The following DIAPH2 variants were observed in gnomAD, a reference collection of about 807,000 sequenced individuals.
DIAPH2 encodes diaphanous related formin 2, also known as protein diaphanous homolog 2.
Under a neutral mutation model 92.7 loss-of-function variants are expected in DIAPH2, and 35 were observed. The ratio of observed to expected loss-of-function variants is 0.38; its 90% CI spans 0.29 to 0.50. DIAPH2 has a LOEUF of 0.50. Among genes scored for constraint, DIAPH2 ranks in the 20% least tolerant of loss-of-function variants. The pLI is 0.94. For synonymous variants in DIAPH2, 301 were observed against 280.4 expected, an observed-to-expected ratio of 1.07 and a Z score of -0.73; for missense variants, 701 against 819.5, an observed-to-expected ratio of 0.86 and a Z score of 1.77.
At chrX:96,912,958 G>A (rs924300058) in intron 7 of DIAPH2, among the ~76,000 whole-genome samples, 1 of 108,158 alleles carries the variant, frequency 9.2e-6, no homozygotes, top group Non-Finnish European at 1.9e-5. Context: ...TAGTTTTCTC[G>A]ATTTTTTTTT....
intron 12 of DIAPH2, among the ~76,000 whole-genome samples, chrX:96,940,819 C>T (rs2065699481): frequency 9.0e-6 from 1 of 111,264 alleles, no homozygotes; most frequent in South Asian, 3.8e-4. Context: ...ACCTGGGGAA[C>T]ATCATTTATG....
At chrX:96,923,749 A>T (rs1343918620) in intron 9 of DIAPH2, among the ~76,000 whole-genome samples, 1 of 111,248 alleles carries the variant, frequency 9.0e-6, no homozygotes, top group African/African-American at 3.3e-5. Context: ...TGCAAATGAT[A>T]ACAATAGACT....
intron 22 of DIAPH2, among the ~76,000 whole-genome samples, chrX:97,204,433 G>T (rs755281360): frequency 1.9e-4 from 21 of 111,635 alleles, no homozygotes; most frequent in Admixed American, 2.9e-4. Context: ...CATCGTCTCA[G>T]CCCCAAAACT....
At chrX:96,814,842 G>C (rs2064718014) in intron 4 of DIAPH2, among the ~76,000 whole-genome samples, 1 of 111,762 alleles carries the variant, frequency 8.9e-6, no homozygotes, top group Admixed American at 9.5e-5. Context: ...CTGTTTGCCT[G>C]GGTATCACCA....
chrX:97,329,079 T>G (rs896566458), intron 23 of DIAPH2, among the ~76,000 whole-genome samples: 1 of 112,117 alleles, frequency 8.9e-6, no homozygotes, highest in Non-Finnish European at 1.9e-5. Context: ...TTCCATTTGC[T>G]TACTCAGTAT....
At chrX:96,854,620 T>TATAC (rs1395668523) in intron 4 of DIAPH2, among the ~76,000 whole-genome samples, 2 of 72,342 alleles carry the variant, frequency 2.8e-5, no homozygotes, top group Admixed American at 1.5e-4. Flanking sequence ...TATATATATA[T>TATAC]ATATATATAT....
intron 2 of DIAPH2, 95 bp from the exon 3 acceptor site, chrX:96,738,491 A>G: frequency 1.5e-6 from 1 of 685,893 alleles, no homozygotes; most frequent in Non-Finnish European, 2.1e-6. Flanking sequence ...AATGATATGT[A>G]TTATACTAAG....
chrX:97,204,791 T>G (rs1214636983), intron 22 of DIAPH2, among the ~76,000 whole-genome samples: 1 of 111,508 alleles, frequency 9.0e-6, no homozygotes, highest in African/African-American at 3.3e-5. Flanking sequence ...AAGCTACCAT[T>G]GACTTTCTTC....
intron 17 of DIAPH2, among the ~76,000 whole-genome samples, chrX:97,030,445 TATC>T (rs1055947049): frequency 4.5e-5 from 5 of 111,638 alleles, no homozygotes; most frequent in Admixed American, 9.5e-5. Context: ...TATGACAAAA[TATC>T]ATTTTAGTTG....
intron 22 of DIAPH2, among the ~76,000 whole-genome samples, chrX:97,176,955 C>T (rs1026719009): frequency 8.9e-6 from 1 of 111,880 alleles, no homozygotes. Flanking sequence ...ATCTCTAAAC[C>T]ACTTATAATA....
At chrX:96,708,237 A>C (rs866032997) in intron 1 of DIAPH2, among the ~76,000 whole-genome samples, 302 of 20,674 alleles carry the variant, frequency 0.015, no homozygotes, top group African/African-American at 0.02. Flanking sequence ...CCCACCCCCC[A>C]CCCAGATCAT....
At chrX:96,868,683 C>T (rs1168435936) in intron 4 of DIAPH2, among the ~76,000 whole-genome samples, 1 of 111,517 alleles carries the variant, frequency 9.0e-6, no homozygotes, top group African/African-American at 3.3e-5. Context: ...GCTTACCATA[C>T]CTGAATAAGC....
Position 97,267,518 on chromosome X carries a change from G to A in DIAPH2, c.2844+19679G>A, listed in dbSNP as rs183665373. Among the ~76,000 whole-genome samples the A allele has an allele frequency of 7.0e-3, 781 of 111,260 alleles. 9 individuals are homozygous for A. The highest frequency in any genetic ancestry group is 0.025 in the African/African-American group (751 of 30,586). On this transcript the variant is annotated intron_variant, in intron 23 of 26. Coordinates refer to ENST00000324765, the MANE Select transcript of DIAPH2 (RefSeq NM_006729.5). ...GTGCCCCCTCATTAAGATGAATAAT[G>A]ACAATCCTTAGAAACAGGAAATGCC...
intron 22 of DIAPH2, among the ~76,000 whole-genome samples, chrX:97,236,924 G>T (rs750798806): frequency 8.0e-5 from 9 of 111,922 alleles, no homozygotes; most frequent in African/African-American, 2.9e-4. Flanking sequence ...GTCTTGTTGT[G>T]AAACAGTGTT....
chrX:97,252,037 A>G (rs2147556449), intron 23 of DIAPH2, among the ~76,000 whole-genome samples: 1 of 112,139 alleles, frequency 8.9e-6, no homozygotes, highest in South Asian at 3.8e-4. Context: ...TCTGTCAGAA[A>G]AGAAACCCAT....
chrX:97,383,607 G>C (rs1284622265), intron 24 of DIAPH2, among the ~76,000 whole-genome samples: 2 of 105,405 alleles, frequency 1.9e-5, no homozygotes, highest in African/African-American at 3.5e-5. Flanking sequence ...TGGCACCCTA[G>C]ATAATGGCAA....
At chrX:97,026,233 T>G (rs2066334089) in intron 17 of DIAPH2, among the ~76,000 whole-genome samples, 1 of 112,158 alleles carries the variant, frequency 8.9e-6, no homozygotes, top group Non-Finnish European at 1.9e-5. Context: ...ATTGTTCTTA[T>G]GGGGACTCAT....
intron 17 of DIAPH2, among the ~76,000 whole-genome samples, chrX:97,056,617 G>A (rs1194696596): frequency 9.0e-6 from 1 of 111,263 alleles, no homozygotes; most frequent in African/African-American, 3.3e-5. Context: ...TTCTTTCATC[G>A]TTTTTAGTAA....
intron 23 of DIAPH2, among the ~76,000 whole-genome samples, chrX:97,336,243 C>CTT (rs1186112131): frequency 5.0e-4 from 46 of 91,709 alleles, no homozygotes; most frequent in East Asian, 1.3e-3. Context: ...CTTTTCTTTT[C>CTT]TTTTTTTTTT....
Sources: allele counts gnomAD v4.1 joint callset (sites outside exome capture counted in the v4.1 genomes callset), GRCh38; gene constraint gnomAD v4.1.1; transcripts MANE v1.5; gene names NCBI Gene and HGNC (gene_info 2026-07-23, HGNC 2026-07-21).